Variants in PARD3B observed in about 807,000 individuals in gnomAD.
PARD3B encodes the protein par-3 family cell polarity regulator beta.
In PARD3B, 103 loss-of-function variants were observed where a neutral mutation model predicts 130.2. The ratio of observed to expected loss-of-function variants is 0.79; its 90% CI spans 0.67 to 0.93. PARD3B has a LOEUF of 0.93. PARD3B is among the 40% of genes least tolerant of loss of function. The probability of loss-of-function intolerance (pLI) is 0.00; values close to 1 mark genes in which losing one functional copy is unlikely to be tolerated. For synonymous variants in PARD3B, 583 were observed against 553.2 expected, an observed-to-expected ratio of 1.05 and a Z score of -0.76; for missense variants, 1,609 against 1,499.2, an observed-to-expected ratio of 1.07 and a Z score of -1.21.
intron 2 of PARD3B, among the ~76,000 whole-genome samples, chr2:204,938,190 A>G (rs573757271): frequency 3.3e-5 from 5 of 152,342 alleles, no homozygotes; most frequent in African/African-American, 1.2e-4. Flanking sequence ...AGTCATTGTG[A>G]CAAAACAGTA....
chr2:205,208,876 G>A (rs2125843363), intron 15 of PARD3B, among the ~76,000 whole-genome samples: 1 of 140,548 alleles, frequency 7.1e-6, no homozygotes, highest in African/African-American at 2.8e-5. Context: ...CTACTTTAAA[G>A]TTCATATGGA....
rs1432175184 is a variant in PARD3B at position 205,407,327 on chromosome 2, C to A, written c.2741+6204C>A. On this transcript the variant is annotated intron_variant, in intron 19 of 22. Coordinates refer to ENST00000406610, the MANE Select transcript of PARD3B (RefSeq NM_001302769.2). This position sits in a 1 kb window ranked among gnomAD's most constrained non-coding sequence, Gnocchi z 4.1. The stretch of plus-strand genomic sequence containing the variant: ...TTTGTTCATGCTTCAGTGAGATTAG[C>A]CATAATAAAAGATTAGTTCCAAAGG... 6.6e-6 allele frequency among the ~76,000 whole-genome samples: 1 copy of A among 152,090 alleles called. No homozygotes were observed. Among genetic ancestry groups the A allele is most frequent in the Non-Finnish European group, 1.5e-5 (1 of 67,996 alleles).
intron 20 of PARD3B, among the ~76,000 whole-genome samples, chr2:205,441,412 A>T (rs1241334330): frequency 1.3e-4 from 20 of 152,206 alleles, no homozygotes; most frequent in Admixed American, 7.2e-4. Context: ...AGAGAGTTTT[A>T]GTCGATATAC....
chr2:205,282,655 T>C (rs190826781), intron 16 of PARD3B, among the ~76,000 whole-genome samples: 13 of 152,188 alleles, frequency 8.5e-5, no homozygotes, highest in African/African-American at 2.6e-4. Context: ...CATCAGGATT[T>C]TATCTTCTTT....
At chr2:205,515,690 A>G (rs1434679164) in intron 21 of PARD3B, among the ~76,000 whole-genome samples, 1 of 152,040 alleles carries the variant, frequency 6.6e-6, no homozygotes, top group Non-Finnish European at 1.5e-5. Flanking sequence ...TAGATGCTGG[A>G]TATTAAACAT....
chr2:205,467,691 T>C (rs1023368609), intron 20 of PARD3B, among the ~76,000 whole-genome samples: 3 of 152,194 alleles, frequency 2.0e-5, no homozygotes, highest in African/African-American at 7.2e-5. Flanking sequence ...TTGGCTGCCA[T>C]ATTAGACAGC....
At chr2:205,399,951 G>T (rs2106009253) in intron 18 of PARD3B, among the ~76,000 whole-genome samples, 1 of 152,260 alleles carries the variant, frequency 6.6e-6, no homozygotes. Context: ...GCCCTGCCCT[G>T]ACTCTGGTGG....
intron 5 of PARD3B, among the ~76,000 whole-genome samples, chr2:205,106,454 CAT>C (rs1380505975): frequency 1.3e-5 from 2 of 151,260 alleles, no homozygotes; most frequent in Non-Finnish European, 2.9e-5. Flanking sequence ...CGGCCAAAAA[CAT>C]ATATATTCTT....
rs1374292637 is a variant in PARD3B at position 205,015,677 on chromosome 2, C to G, written c.395-31904C>G. 6.6e-6 allele frequency among the ~76,000 whole-genome samples: 1 copy of G among 152,186 alleles called. No homozygotes were observed. Among genetic ancestry groups the G allele is most frequent in the African/African-American group, 2.4e-5 (1 of 41,442 alleles). On this transcript the variant is annotated intron_variant, in intron 3 of 22. Transcript: ENST00000406610. This position sits in a 1 kb window ranked among gnomAD's most constrained non-coding sequence, Gnocchi z 4.5. ...TGTCCTCCGTATCCATACTTTCTTA[C>G]TCTAGATACTGAGAATCTCTTCTGT... is the stretch of plus-strand genomic sequence containing the variant.
intron 2 of PARD3B, among the ~76,000 whole-genome samples, chr2:204,895,645 C>T (rs1362268412): frequency 6.6e-6 from 1 of 151,930 alleles, no homozygotes; most frequent in Non-Finnish European, 1.5e-5. Flanking sequence ...TTAGTGAGCT[C>T]CCCCGCCAAA....
intron 1 of PARD3B, among the ~76,000 whole-genome samples, chr2:204,554,839 C>T (rs1041623529): frequency 1.3e-5 from 2 of 152,194 alleles, no homozygotes; most frequent in South Asian, 2.1e-4. Flanking sequence ...CCTGAGACTG[C>T]TATCCTTAGA....
intron 2 of PARD3B, among the ~76,000 whole-genome samples, chr2:204,878,245 G>A (rs2045917844): frequency 6.6e-6 from 1 of 151,712 alleles, no homozygotes; most frequent in Non-Finnish European, 1.5e-5. Flanking sequence ...TGAAGAAATT[G>A]CCTTTTTTAA....
chr2:205,296,665 G>A (rs1249237514), intron 16 of PARD3B, among the ~76,000 whole-genome samples: 1 of 86,204 alleles, frequency 1.2e-5, no homozygotes, highest in Non-Finnish European at 2.2e-5. Context: ...GTTTGTGTAT[G>A]TGTGTGTGTG....
chr2:205,336,674 T>A (rs2105792990), intron 18 of PARD3B, among the ~76,000 whole-genome samples: 1 of 152,328 alleles, frequency 6.6e-6, no homozygotes, highest in Non-Finnish European at 1.5e-5. Flanking sequence ...TGAGCCCTAT[T>A]CCTTGCTCTT....
rs1175452309 is a variant in PARD3B, at chr2:204,657,149, G to A, written c.121-29032G>A. On this transcript the variant is annotated intron_variant, in intron 1 of 22. Transcript: ENST00000406610. ...ACTTTCTTCTCTTCACAGGAACATA[G>A]CAAGATCTGGAGGAGAAAGAGAGGA... Among the ~76,000 whole-genome samples, 5 of 152,160 alleles carry A rather than the reference G, an allele frequency of 3.3e-5. 1 individual carries two copies. The highest frequency in any genetic ancestry group is 7.3e-5 in the Non-Finnish European group (5 of 68,030).
intron 2 of PARD3B, among the ~76,000 whole-genome samples, chr2:204,866,279 G>A (rs1038870449): frequency 3.9e-5 from 6 of 152,206 alleles, no homozygotes; most frequent in Admixed American, 3.9e-4. Context: ...CAATAACTCT[G>A]GGACTTTTTG....
At position 204,977,899 on chromosome 2, in the gene PARD3B, A is replaced by G. The variant is rs943543884; in HGVS notation, c.394+12576A>G. On this transcript the variant is annotated intron_variant, in intron 3 of 22. Coordinates refer to ENST00000406610, the MANE Select transcript of PARD3B (RefSeq NM_001302769.2). The stretch of plus-strand genomic sequence containing the variant: ...AGAGGAGAAAATTCTTACATATCTG[A>G]TGAGGGCTCCAGATGTTGGGGAGAG... 9.9e-5 allele frequency among the ~76,000 whole-genome samples: 15 copies of G among 151,480 alleles called. No individual in the cohort carries two copies. In the East Asian group the frequency reaches 1.6e-3, roughly 16 times the overall value.
intron 20 of PARD3B, among the ~76,000 whole-genome samples, chr2:205,444,028 G>A (rs1333699624): frequency 6.6e-6 from 1 of 152,124 alleles, no homozygotes; most frequent in Non-Finnish European, 1.5e-5. Flanking sequence ...TGTCACCCAG[G>A]CTGGAGTGCA....
chr2:204,959,750 T>C (rs1008735119), intron 2 of PARD3B, among the ~76,000 whole-genome samples: 2 of 152,208 alleles, frequency 1.3e-5, no homozygotes, highest in African/African-American at 4.8e-5. Flanking sequence ...AGATGTTCCT[T>C]TCAGATCGCC....
Sources: gnomAD v4.1 joint callset for allele counts (sites outside exome capture counted in the v4.1 genomes callset) on GRCh38, gnomAD v4.1.1 for gene constraint, Gnocchi (gnomAD v3.1) non-coding constraint, MANE v1.5 for transcripts, NCBI Gene and HGNC (gene_info 2026-07-23, HGNC 2026-07-21) for gene names.